Variants in NRBP2 observed in about 807,000 individuals in gnomAD.
The protein encoded by NRBP2 is nuclear receptor binding protein 2.
A neutral mutation model predicts 74.4 loss-of-function variants in NRBP2; 47 were observed. The ratio of observed to expected loss-of-function variants is 0.63; its 90% CI spans 0.50 to 0.81. The LOEUF is 0.81. Ranked by LOEUF, NRBP2 falls within the 30% of genes least tolerant of loss-of-function variation. The pLI is 0.00. For missense variants in NRBP2, 613 were observed against 690.1 expected, an observed-to-expected ratio of 0.89 and a Z score of 1.25; for synonymous variants, 312 against 273.8, an observed-to-expected ratio of 1.14 and a Z score of -1.38.
rs782285360 is a variant in NRBP2, at chr8:143,837,340, C to CGAGGG, written c.1077-46_1077-42dup. 5.9e-6 allele frequency: 4 copies of CGAGGG among 674,640 alleles called. No homozygotes were observed. Among genetic ancestry groups the CGAGGG allele is most frequent in the Non-Finnish European group, 7.5e-6 (4 of 532,434 alleles). 41.8% of individuals were successfully genotyped at this position (674,640 alleles called of 1,614,324 possible). A position where few individuals can be genotyped will look rare whatever the true frequency, so the allele number is the denominator to read the frequency against. On this transcript the variant is annotated intron_variant, in intron 12 of 17. Coordinates refer to ENST00000442628, the MANE Select transcript of NRBP2 (RefSeq NM_178564.4). This position sits in a 1 kb window ranked among gnomAD's most constrained non-coding sequence, Gnocchi z 4.3. ...GAGGCACATGAGGGGCTGGCCGGGGCGAGGGGAGGGGAGGTGCGGGGAGGG... is the reference window on the plus strand; with the variant it reads ...GAGGCACATGAGGGGCTGGCCGGGGCGAGGGGAGGGGAGGGGAGGTGCGGGGAGGG...
In NRBP2 at chr8:143,839,869, C is replaced by T. The variant is rs1250248524; in HGVS notation, c.355-44G>A. 3.3e-6 allele frequency: 5 copies of T among 1,535,012 alleles called. No homozygotes were observed. Among genetic ancestry groups the T allele is most frequent in the Non-Finnish European group, 4.4e-6 (5 of 1,145,896 alleles). On this transcript the variant is annotated intron_variant, in intron 3 of 17. Transcript: ENST00000442628. This position sits in a 1 kb window ranked among gnomAD's most constrained non-coding sequence, Gnocchi z 5.1. ...GGATTTCCACCAGCTGCGGGTTCGT[C>T]CCCATGCCCGCCCCACCTAGCTGTG...
In NRBP2 at chr8:143,838,690, G is replaced by A; in HGVS notation, c.830C>T (p.Pro277Leu). The change falls in exon 10 of 18, where the codon CCC becomes CTC. Residue 277 changes from proline (P) to leucine (L), a missense_variant. Coordinates refer to ENST00000442628, the MANE Select transcript of NRBP2 (RefSeq NM_178564.4). The stretch of plus-strand genomic sequence containing the variant: ...GGGCAAGCTGCTTACCCGCATGTTG[G>A]GGTCACTCAGCGAGTGCCTGGCGCG... ...IARARHSLSD[P>L]NMREFILCCL... 6.2e-7 allele frequency: 1 copy of A among 1,608,782 alleles called. No individual in the cohort carries two copies. Among genetic ancestry groups the A allele is most frequent in the Middle Eastern group, 1.7e-4 (1 of 5,812 alleles).
chr8:143,839,912 G>T lies in NRBP2; in HGVS notation c.354+17C>A. The T allele has an allele frequency of 6.5e-7, 1 of 1,535,586 alleles. No individual in the cohort carries two copies. Reference sequence around the variant, plus strand: ...TAGCTGTGGTCTCTGCCTGCCCGGGGCCTTGCCCGTGCTCACCCTCGCGCA... The same window carrying T: ...TAGCTGTGGTCTCTGCCTGCCCGGGTCCTTGCCCGTGCTCACCCTCGCGCA... On this transcript the variant is annotated intron_variant, in intron 3 of 17. Transcript: ENST00000442628. The surrounding 1 kb of genome is among the most constrained non-coding windows in gnomAD (Gnocchi z 5.1).
Position 143,833,666 on chromosome 8 carries a change from C to G in NRBP2, c.*1996G>C, listed in dbSNP as rs1160627712. 6.6e-6 allele frequency: 1 copy of G among 151,922 alleles called. No individual in the cohort carries two copies. Among genetic ancestry groups the G allele is most frequent in the Non-Finnish European group, 1.5e-5 (1 of 68,000 alleles). The allele number at this position is 151,922 out of a possible 1,614,324, so 9.4% of individuals were successfully genotyped here. A position where few individuals can be genotyped will look rare whatever the true frequency, so the allele number is the denominator to read the frequency against. On this transcript the variant is annotated 3_prime_UTR_variant, in exon 18 of 18. Transcript: ENST00000442628. Reference sequence around the variant, plus strand: ...AAACTATTCTACTTTAAAAACAATACATATATAATTCTGAAAAGATAAAAT... The same window carrying G: ...AAACTATTCTACTTTAAAAACAATAGATATATAATTCTGAAAAGATAAAAT...
At chr8:143,836,324 C>T in intron 14 of NRBP2, 144 bp from the exon 15 acceptor site, 1 of 1,229,472 alleles carries the variant, frequency 8.1e-7, no homozygotes, top group Non-Finnish European at 1.1e-6. Flanking sequence ...GCTTGGCAAG[C>T]TAAGGAAAGC....
chr8:143,833,501 G>A (rs1368533750), downstream of NRBP2: 4 of 152,036 alleles, frequency 2.6e-5, no homozygotes, highest in African/African-American at 4.8e-5. Context: ...GTAGAAAAAC[G>A]AATAAACAGG....
chr8:143,835,225 AGGGGATGGCTGC>A lies in NRBP2; in HGVS notation c.*425_*436del. The stretch of plus-strand genomic sequence containing the variant: ...CCTTGTGTGGGTCTATGGTGCCAGC[AGGGGATGGCTGC>A]TCTCCCAGACCCCATGGAGCAGTTC... On this transcript the variant is annotated 3_prime_UTR_variant, in exon 18 of 18. Coordinates refer to ENST00000442628, the MANE Select transcript of NRBP2 (RefSeq NM_178564.4). This position sits in a 1 kb window ranked among gnomAD's most constrained non-coding sequence, Gnocchi z 4.9. The A allele has an allele frequency of 4.9e-6, 1 of 204,372 alleles. No individual in the cohort carries two copies. Among genetic ancestry groups the A allele is most frequent in the Non-Finnish European group, 1.0e-5 (1 of 99,896 alleles). The allele number at this position is 204,372 out of a possible 1,614,324, so 12.7% of individuals were successfully genotyped here.
In NRBP2 at chr8:143,839,540, G is replaced by A; in HGVS notation, c.454C>T (p.Arg152Cys). 6.5e-7 allele frequency: 1 copy of A among 1,531,958 alleles called. No homozygotes were observed. The highest frequency in any genetic ancestry group is 1.2e-5 in the South Asian group (1 of 83,878). The allele number at this position is 1,531,958 out of a possible 1,614,324, so 94.9% of individuals were successfully genotyped here. A position where few individuals can be genotyped will look rare whatever the true frequency, so the allele number is the denominator to read the frequency against. The change falls in exon 5 of 18, where the codon CGC becomes TGC. Residue 152 changes from arginine (R) to cysteine (C), a missense_variant. This residue lies in a region of NRBP2 where 332 missense variants were observed against 429.2 expected (regional missense o/e 0.77). Coordinates refer to ENST00000442628, the MANE Select transcript of NRBP2 (RefSeq NM_178564.4). The surrounding 1 kb of genome is among the most constrained non-coding windows in gnomAD (Gnocchi z 5.1). The stretch of plus-strand genomic sequence containing the variant: ...GCAGACAGGATCTGCGTGCACCAGC[G>A]CTTCCAGGCCTGGCGGCGGACGCAC... ...HKAMNARAWK[R>C]WCTQILSALS...
chr8:143,838,893 C>T lies in NRBP2; in HGVS notation c.734G>A (p.Cys245Tyr). 1.2e-6 allele frequency: 2 copies of T among 1,613,006 alleles called. No homozygotes were observed. The highest frequency in any genetic ancestry group is 2.2e-5 in the East Asian group (1 of 44,850). ...TAVDIFSFGMCALEMAVLEIQ... is the reference protein window; with the variant it reads ...TAVDIFSFGMYALEMAVLEIQ... Reference sequence around the variant, plus strand: ...GGGCGGGGGCAGTACCTCCAGCGCACACATCCCAAAGGAGAAGATGTCCAC... The same window carrying T: ...GGGCGGGGGCAGTACCTCCAGCGCATACATCCCAAAGGAGAAGATGTCCAC... The change falls in exon 9 of 18, where the codon TGT (cysteine) becomes TAT (tyrosine). Residue 245 changes from cysteine to tyrosine, a missense_variant. This residue lies in a region of NRBP2 where 332 missense variants were observed against 429.2 expected (regional missense o/e 0.77). Coordinates refer to ENST00000442628, the MANE Select transcript of NRBP2 (RefSeq NM_178564.4).
Position 143,835,663 on chromosome 8 carries a change from C to T in NRBP2, c.1505G>A (p.Ter502=). The T allele has an allele frequency of 6.3e-7, 1 of 1,583,044 alleles. No individual in the cohort carries two copies. The highest frequency in any genetic ancestry group is 8.6e-7 in the Non-Finnish European group (1 of 1,167,216). Residue 502 remains the stop codon, a stop_retained_variant, in exon 18 of 18, where the codon TGA becomes TAA. Transcript: ENST00000442628. This position sits in a 1 kb window ranked among gnomAD's most constrained non-coding sequence, Gnocchi z 4.9. ...GTCCCCTGGGGCTGGGGCTCCGGGT[C>T]AGGCCTGGGTCCCACGGTACTTGAG... ...TFLKYRGTQA[*]
At chr8:143,833,114 A>G (rs948681587), downstream of NRBP2, among the ~76,000 whole-genome samples, 5 of 152,178 alleles carry the variant, frequency 3.3e-5, no homozygotes, top group Admixed American at 2.6e-4. Flanking sequence ...TAAGTCCAAG[A>G]ACAAGTAGCC....
At chr8:143,838,645 G>T in intron 10 of NRBP2, 35 bp downstream of exon 10, 1 of 1,516,818 alleles carries the variant, frequency 6.6e-7, no homozygotes. Flanking sequence ...TGAGCACGGT[G>T]AGCCAGCTGG....
downstream of NRBP2, among the ~76,000 whole-genome samples, chr8:143,832,041 G>C (rs1217513950): frequency 3.9e-5 from 6 of 152,242 alleles, no homozygotes; most frequent in Non-Finnish European, 8.8e-5. Flanking sequence ...GTAGAAAGTA[G>C]TAGACATAGG....
At chr8:143,833,094 C>T (rs960830535), downstream of NRBP2, among the ~76,000 whole-genome samples, 11 of 152,132 alleles carry the variant, frequency 7.2e-5, no homozygotes, top group African/African-American at 1.7e-4. Context: ...CCATGCTGAC[C>T]ACTGGGCTGT....
chr8:143,837,215 G>GC lies in NRBP2; in HGVS notation c.1127+33dup, dbSNP rs1818445687. 6.2e-7 allele frequency: 1 copy of GC among 1,613,802 alleles called. No homozygotes were observed. The highest frequency in any genetic ancestry group is 8.5e-7 in the Non-Finnish European group (1 of 1,179,988). ...GGTGGCTGGGGGTTCAGGCCTGACAGCTGCCTGGCCCCCAACCTTACATCA... is the reference window on the plus strand; with the variant it reads ...GGTGGCTGGGGGTTCAGGCCTGACAGCCTGCCTGGCCCCCAACCTTACATCA... On this transcript the variant is annotated intron_variant, in intron 13 of 17. Transcript: ENST00000442628. The surrounding 1 kb of genome is among the most constrained non-coding windows in gnomAD (Gnocchi z 4.3).
In NRBP2 at chr8:143,837,280, T is replaced by G; in HGVS notation, c.1096A>C (p.Met366Leu). ...LQWRYSEVSF[M>L]ELDKFLEDVR... ...TCCTCCAGGAATTTGTCCAGCTCCA[T>G]GAAGGAGACTTCCGAGTACCTGGCA... Residue 366 changes from methionine (M) to leucine (L), a missense_variant, in exon 13 of 18, where the codon ATG (methionine) becomes CTG (leucine). Transcript: ENST00000442628. The surrounding 1 kb of genome is among the most constrained non-coding windows in gnomAD (Gnocchi z 4.3). 1.2e-6 allele frequency: 2 copies of G among 1,610,736 alleles called. No homozygotes were observed. Among genetic ancestry groups the G allele is most frequent in the Non-Finnish European group, 1.7e-6 (2 of 1,179,692 alleles).
Position 143,835,417 on chromosome 8 carries a change from G to A in NRBP2, c.*245C>T, listed in dbSNP as rs2130520300. ...CGGAGAATGGAGGATATGGGAAGGGGTTCTGGGGGCAACCCTGATCCTAAG... is the reference window on the plus strand; with the variant it reads ...CGGAGAATGGAGGATATGGGAAGGGATTCTGGGGGCAACCCTGATCCTAAG... On this transcript the variant is annotated 3_prime_UTR_variant, in exon 18 of 18. Transcript: ENST00000442628. This position sits in a 1 kb window ranked among gnomAD's most constrained non-coding sequence, Gnocchi z 4.9. 2 of 613,776 alleles carry A rather than the reference G, an allele frequency of 3.3e-6. No individual in the cohort carries two copies. Among genetic ancestry groups the A allele is most frequent in the South Asian group, 1.9e-5 (1 of 52,994 alleles). The allele number at this position is 613,776 out of a possible 1,614,324, so 38.0% of individuals were successfully genotyped here.
chr8:143,835,951 C>A lies in NRBP2; in HGVS notation c.1381+16G>T, dbSNP rs782006439. On this transcript the variant is annotated intron_variant, in intron 16 of 17. Coordinates refer to ENST00000442628, the MANE Select transcript of NRBP2 (RefSeq NM_178564.4). The surrounding 1 kb of genome is among the most constrained non-coding windows in gnomAD (Gnocchi z 4.9). ...TGGGGTCACCGCCCGCCGCCCAAGT[C>A]CCCTGCCCAGCCTACTTGGGAGCAG... 14 of 1,593,722 alleles carry A rather than the reference C, an allele frequency of 8.8e-6. No homozygotes were observed. The highest frequency in any genetic ancestry group is 1.1e-5 in the Non-Finnish European group (13 of 1,173,964).
chr8:143,837,230 A>C lies in NRBP2; in HGVS notation c.1127+19T>G. The C allele has an allele frequency of 6.2e-7, 1 of 1,613,808 alleles. No individual in the cohort carries two copies. Among genetic ancestry groups the C allele is most frequent in the Non-Finnish European group, 8.5e-7 (1 of 1,179,960 alleles). ...AGGCCTGACAGCTGCCTGGCCCCCA[A>C]CCTTACATCAGTTCTCACCTGACAT... On this transcript the variant is annotated intron_variant, in intron 13 of 17. Coordinates refer to ENST00000442628, the MANE Select transcript of NRBP2 (RefSeq NM_178564.4). This position sits in a 1 kb window ranked among gnomAD's most constrained non-coding sequence, Gnocchi z 4.3.
Sources: allele counts gnomAD v4.1 joint callset (sites outside exome capture counted in the v4.1 genomes callset), GRCh38; gene constraint gnomAD v4.1.1; regional missense constraint gnomAD v4.1.1; non-coding constraint Gnocchi (gnomAD v3.1); transcripts MANE v1.5; gene names NCBI Gene and HGNC (gene_info 2026-07-23, HGNC 2026-07-21).